The following TSPAN15 variants were observed in gnomAD, a reference collection of about 807,000 sequenced individuals.
TSPAN15 encodes tetraspanin-15.
A neutral mutation model predicts 34.5 loss-of-function variants in TSPAN15; 20 were observed. That is an observed-to-expected ratio of 0.58 (90% confidence interval 0.41 to 0.84). The LOEUF is 0.84. Among genes scored for constraint, TSPAN15 ranks in the 40% least tolerant of loss-of-function variants. The probability of loss-of-function intolerance (pLI) is 0.00; values close to 1 mark genes in which losing one functional copy is unlikely to be tolerated. For synonymous variants in TSPAN15, 155 were observed against 153.9 expected, an observed-to-expected ratio of 1.01 and a Z score of -0.05; for missense variants, 313 against 386.1, an observed-to-expected ratio of 0.81 and a Z score of 1.59.
intron 3 of TSPAN15, chr10:69,495,206 C>G (rs1463610370): frequency 1.1e-5 from 2 of 185,324 alleles, no homozygotes; most frequent in African/African-American, 4.7e-5. Context: ...TGGGCCCATC[C>G]CTGGGCGGTA....
chr10:69,457,578 G>T (rs1841142398), intron 1 of TSPAN15, among the ~76,000 whole-genome samples: 1 of 152,166 alleles, frequency 6.6e-6, no homozygotes, highest in African/African-American at 2.4e-5. Context: ...AGGTGGTGGA[G>T]GCAGCAAATG....
chr10:69,507,188 G>A lies in TSPAN15; in HGVS notation c.*210G>A. 1 of 1,419,860 alleles carries A rather than the reference G, an allele frequency of 7.0e-7. No homozygotes were observed. The highest frequency in any genetic ancestry group is 9.1e-7 in the Non-Finnish European group (1 of 1,093,308). The allele number at this position is 1,419,860 out of a possible 1,614,324, so 88.0% of individuals were successfully genotyped here. On this transcript the variant is annotated 3_prime_UTR_variant, in exon 8 of 8. Transcript: ENST00000373290. ...CCCCTAAGAGGCTTTCCCCGAGGCA[G>A]CTCTGGAATCTGTGCCCACCTGGGG...
chr10:69,513,772 C>T, the TSPAN15 span, among the ~76,000 whole-genome samples: 1 of 152,220 alleles, frequency 6.6e-6, no homozygotes, highest in Non-Finnish European at 1.5e-5. Context: ...ACAAAGTACG[C>T]ATCAAAGTTA....
At chr10:69,502,363 T>A (rs1406749246) in intron 5 of TSPAN15, among the ~76,000 whole-genome samples, 1 of 152,160 alleles carries the variant, frequency 6.6e-6, no homozygotes, top group Non-Finnish European at 1.5e-5. Context: ...TGGGACCAAT[T>A]TTCACGTACC....
the TSPAN15 span, among the ~76,000 whole-genome samples, chr10:69,538,787 G>A: frequency 1.9e-4 from 29 of 152,310 alleles, no homozygotes; most frequent in South Asian, 2.7e-3. Context: ...TTGCATGCAC[G>A]TGTAGACGCC....
downstream of TSPAN15, among the ~76,000 whole-genome samples, chr10:69,512,352 A>T (rs1842423493): frequency 1.3e-5 from 2 of 152,362 alleles, no homozygotes; most frequent in Admixed American, 1.3e-4. Flanking sequence ...TTTGTTAATA[A>T]TTATTTTTTA....
the TSPAN15 span, among the ~76,000 whole-genome samples, chr10:69,526,137 T>C: frequency 1.4e-4 from 21 of 147,240 alleles, 5 homozygotes; most frequent in Admixed American, 1.5e-3. Flanking sequence ...AGATATGATA[T>C]AACCACAGAT....
At chr10:69,473,604 C>G (rs1360676614) in intron 1 of TSPAN15, among the ~76,000 whole-genome samples, 1 of 152,124 alleles carries the variant, frequency 6.6e-6, no homozygotes, top group Non-Finnish European at 1.5e-5. Flanking sequence ...AGTAGAGCAA[C>G]CCTTGGGGTT....
chr10:69,506,891 C>G lies in TSPAN15; in HGVS notation c.798C>G (p.His266Gln). The G allele has an allele frequency of 6.2e-7, 1 of 1,606,690 alleles. No homozygotes were observed. Among genetic ancestry groups the G allele is most frequent in the Non-Finnish European group, 8.5e-7 (1 of 1,177,160 alleles). Residue 266 changes from histidine to glutamine, a missense_variant, in exon 8 of 8, where the codon CAC (histidine) becomes CAG (glutamine). Physicochemically the swap from His to Gln is conservative, Grantham distance 24 (BLOSUM62 0). Coordinates refer to ENST00000373290, the MANE Select transcript of TSPAN15 (RefSeq NM_012339.5). The surrounding 1 kb of genome is among the most constrained non-coding windows in gnomAD (Gnocchi z 4.7). ...ITRVEDIIME[H>Q]SVTDGLLGPG... Reference sequence around the variant, plus strand: ...GGGTGGAGGACATCATCATGGAGCACTCTGTCACTGATGGGCTCCTGGGGC... The same window carrying G: ...GGGTGGAGGACATCATCATGGAGCAGTCTGTCACTGATGGGCTCCTGGGGC...
chr10:69,482,863 G>A (rs1367273695), intron 1 of TSPAN15, among the ~76,000 whole-genome samples: 1 of 152,156 alleles, frequency 6.6e-6, no homozygotes, highest in Non-Finnish European at 1.5e-5. Flanking sequence ...GTCTGCTAGG[G>A]CTGCCATAAC....
chr10:69,494,299 A>G (rs1328508635), intron 3 of TSPAN15, among the ~76,000 whole-genome samples: 1 of 152,244 alleles, frequency 6.6e-6, no homozygotes, highest in East Asian at 1.9e-4. Flanking sequence ...AAGTAGTACC[A>G]TAGAGTATTT....
chr10:69,527,533 T>C, the TSPAN15 span, among the ~76,000 whole-genome samples: 2 of 145,822 alleles, frequency 1.4e-5, no homozygotes, highest in African/African-American at 5.0e-5. Context: ...AGGCAGAGAT[T>C]GCAGTGAGCC....
intron 2 of TSPAN15, 102 bp downstream of exon 2, chr10:69,483,978 A>G: frequency 7.7e-7 from 1 of 1,296,956 alleles, no homozygotes; most frequent in Non-Finnish European, 1.1e-6. Flanking sequence ...CCTGCCTCAA[A>G]CCACCTCCTT....
intron 3 of TSPAN15, 122 bp from the exon 4 acceptor site, chr10:69,495,472 C>G (rs1207227095): frequency 2.9e-6 from 2 of 687,700 alleles, no homozygotes; most frequent in Non-Finnish European, 5.1e-6. Context: ...GGGCTCCATG[C>G]TGGCTGGGCG....
chr10:69,463,043 G>A (rs1466182556), intron 1 of TSPAN15, among the ~76,000 whole-genome samples: 1 of 152,212 alleles, frequency 6.6e-6, no homozygotes, highest in African/African-American at 2.4e-5. Flanking sequence ...GGAGGGAGGG[G>A]AGTCTGTGAG....
chr10:69,496,748 C>T (rs556567717), intron 4 of TSPAN15, among the ~76,000 whole-genome samples: 11 of 152,300 alleles, frequency 7.2e-5, no homozygotes, highest in Non-Finnish European at 1.0e-4. Flanking sequence ...TTGCTGTGGC[C>T]GCTCCCTTGG....
At position 69,498,320 on chromosome 10, in the gene TSPAN15, A is replaced by G; in HGVS notation, c.494A>G (p.Lys165Arg). The G allele has an allele frequency of 6.2e-7, 1 of 1,613,918 alleles. No homozygotes were observed. Among genetic ancestry groups the G allele is most frequent in the African/African-American group, 1.3e-5 (1 of 74,986 alleles). ...CGGEDYRDWS[K>R]NQYHDCSAPG... is the part of the protein sequence containing the mutation. ...GGGGAGGACTACCGAGATTGGAGCAAGAATCAGTACCACGACTGCAGTGCC... is the reference window on the plus strand; with the variant it reads ...GGGGAGGACTACCGAGATTGGAGCAGGAATCAGTACCACGACTGCAGTGCC... The change falls in exon 5 of 8, where the codon AAG becomes AGG. Residue 165 changes from lysine to arginine, a missense_variant. Coordinates refer to ENST00000373290, the MANE Select transcript of TSPAN15 (RefSeq NM_012339.5).
rs185944016 is a variant in TSPAN15 at position 69,456,735 on chromosome 10, A to T, written c.96+5045A>T. 3.5e-4 allele frequency among the ~76,000 whole-genome samples: 53 copies of T among 152,316 alleles called. No homozygotes were observed. In the East Asian group the frequency reaches 4.8e-3, roughly 14 times the overall value. On this transcript the variant is annotated intron_variant, in intron 1 of 7. Coordinates refer to ENST00000373290, the MANE Select transcript of TSPAN15 (RefSeq NM_012339.5). ...GGCTGAAAGACAAACTAGCACCCAA[A>T]CTGAGACCCGCTCCTTGATGCAATC...
At chr10:69,535,789 G>A in the TSPAN15 span, among the ~76,000 whole-genome samples, 3 of 152,350 alleles carry the variant, frequency 2.0e-5, no homozygotes, top group Middle Eastern at 3.4e-3. Flanking sequence ...GTAGAGTGAT[G>A]TGAACCCAGT....
Sources: allele counts gnomAD v4.1 joint callset (sites outside exome capture counted in the v4.1 genomes callset), GRCh38; gene constraint gnomAD v4.1.1; non-coding constraint Gnocchi (gnomAD v3.1); transcripts MANE v1.5; gene names NCBI Gene and HGNC (gene_info 2026-07-23, HGNC 2026-07-21).